The following UVSSA variants were observed in gnomAD, a reference collection of about 807,000 sequenced individuals.
The protein encoded by UVSSA is UV-stimulated scaffold protein A.
Under a neutral mutation model 73.9 loss-of-function variants are expected in UVSSA, and 72 were observed. The ratio of observed to expected loss-of-function variants is 0.97; its 90% CI spans 0.81 to 1.19. The LOEUF (loss-of-function observed/expected upper bound fraction) is 1.19, where lower values mean the gene tolerates loss of function less well. UVSSA is among the 50% of genes most tolerant of loss of function. The pLI, the probability that UVSSA is intolerant of heterozygous loss-of-function variation, is 0.00. For missense variants in UVSSA, 1,150 were observed against 965.0 expected (o/e 1.19, Z -2.54); for synonymous variants, 454 against 391.3 (o/e 1.16, Z -1.89).
upstream of UVSSA, among the ~76,000 whole-genome samples, chr4:1,343,213 C>T (rs368502405): frequency 2.0e-4 from 31 of 152,270 alleles, no homozygotes; most frequent in East Asian, 9.7e-4. Flanking sequence ...CCTCTCTTCC[C>T]GGCTTGCAGA....
At chr4:1,363,327 G>A (rs1034239371) in intron 7 of UVSSA, among the ~76,000 whole-genome samples, 1 of 152,116 alleles carries the variant, frequency 6.6e-6, no homozygotes, top group Admixed American at 6.5e-5. Context: ...TCCAAATTTA[G>A]TCACAGAAAT....
At chr4:1,379,753 G>T (rs1384630792) in intron 10 of UVSSA, among the ~76,000 whole-genome samples, 1 of 149,768 alleles carries the variant, frequency 6.7e-6, no homozygotes, top group Admixed American at 6.7e-5. Flanking sequence ...CGCGCGGCTG[G>T]TTCACGTGGC....
chr4:1,365,750 C>G (rs969078890), intron 7 of UVSSA, among the ~76,000 whole-genome samples: 1 of 152,228 alleles, frequency 6.6e-6, no homozygotes, highest in African/African-American at 2.4e-5. Context: ...CTAGCCCTGG[C>G]CCGTTGCCTA....
chr4:1,366,221 G>T, intron 7 of UVSSA, 99 bp from the exon 8 acceptor site: 1 of 935,762 alleles, frequency 1.1e-6, no homozygotes, highest in Non-Finnish European at 1.6e-6. Flanking sequence ...AGGGGAAAAA[G>T]CTCCACAAGA....
intron 12 of UVSSA, among the ~76,000 whole-genome samples, chr4:1,383,350 G>A (rs1481809090): frequency 5.9e-5 from 9 of 152,172 alleles, no homozygotes; most frequent in African/African-American, 1.9e-4. Context: ...GCCTAGTGGG[G>A]CACGGTCCAG....
rs781294465 is a variant in UVSSA at position 1,375,437 on chromosome 4, G to A, written c.1362G>A (p.Val454=). Residue 454 remains valine (V), a synonymous_variant, in exon 9 of 14, where the codon GTG becomes GTA. Transcript: ENST00000389851. ...LRTRTRMDEE[V]SDPTSAAAQL... ...CGAGGACGAGGATGGACGAGGAGGT[G>A]TCGGACCCCACCTCTGCGGCTGCTC... 1.9e-6 allele frequency: 3 copies of A among 1,613,302 alleles called. No individual in the cohort carries two copies. The East Asian group carries it at 6.7e-5, about 36-fold the overall frequency.
intron 8 of UVSSA, among the ~76,000 whole-genome samples, chr4:1,373,610 C>CTT (rs1471015183): frequency 6.6e-6 from 1 of 152,166 alleles, no homozygotes; most frequent in Non-Finnish European, 1.5e-5. Context: ...CATGGTTTTT[C>CTT]CTCTGTCTCC....
chr4:1,394,195 G>T, exon 14 of UVSSA: 1 of 502,312 alleles, frequency 2.0e-6, no homozygotes. Context: ...TGTGGGCACA[G>T]CCTTCCATGC....
intron 7 of UVSSA, among the ~76,000 whole-genome samples, chr4:1,358,266 C>T (rs1577313671): frequency 6.6e-6 from 1 of 152,248 alleles, no homozygotes; most frequent in Non-Finnish European, 1.5e-5. Flanking sequence ...TGGAGGGCCC[C>T]TCGTCCCCTT....
At chr4:1,394,445 CA>C in exon 14 of UVSSA, 1 of 1,604,900 alleles carries the variant, frequency 6.2e-7, no homozygotes, top group Non-Finnish European at 8.5e-7. Context: ...GTTTTTGATA[CA>C]AAATGTGAGC....
At chr4:1,362,895 G>A (rs1041421606) in intron 7 of UVSSA, among the ~76,000 whole-genome samples, 1 of 152,218 alleles carries the variant, frequency 6.6e-6, no homozygotes, top group African/African-American at 2.4e-5. Context: ...CAGCCACACA[G>A]CTTCCTAGGC....
At chr4:1,375,654 A>C (rs1182067673) in intron 9 of UVSSA, 146 bp downstream of exon 9, 1 of 1,325,174 alleles carries the variant, frequency 7.5e-7, no homozygotes, top group Non-Finnish European at 1.0e-6. Flanking sequence ...CGGCCGGGTG[A>C]GCAGTGTTGG....
chr4:1,367,998 G>T (rs1289330851), intron 8 of UVSSA, among the ~76,000 whole-genome samples: 1 of 152,276 alleles, frequency 6.6e-6, no homozygotes, highest in African/African-American at 2.4e-5. Flanking sequence ...TCTCCTTCAT[G>T]GCTCTTGGCC....
intron 5 of UVSSA, among the ~76,000 whole-genome samples, chr4:1,353,802 C>G (rs1715194606): frequency 2.0e-5 from 3 of 152,322 alleles, no homozygotes; most frequent in African/African-American, 7.2e-5. Flanking sequence ...CGTCAGCTCA[C>G]AGGCCTGTCA....
intron 7 of UVSSA, among the ~76,000 whole-genome samples, chr4:1,360,287 T>G (rs1469337737): frequency 1.3e-5 from 2 of 152,198 alleles, no homozygotes; most frequent in Non-Finnish European, 2.9e-5. Context: ...CCCACACCGG[T>G]GGCACAGACC....
In UVSSA at chr4:1,385,972, C is replaced by G. The variant is rs1244546456; in HGVS notation, c.*11C>G. 1 of 1,613,774 alleles carries G rather than the reference C, an allele frequency of 6.2e-7. No individual in the cohort carries two copies. The highest frequency in any genetic ancestry group is 1.7e-5 in the Admixed American group (1 of 60,034). On this transcript the variant is annotated 3_prime_UTR_variant, in exon 14 of 14. Transcript: ENST00000389851. Reference sequence around the variant, plus strand: ...TACGCACTGAACTAGAGAGCGGGGCCCAGTGCACTGGCCATCAGCACTTTC... The same window carrying G: ...TACGCACTGAACTAGAGAGCGGGGCGCAGTGCACTGGCCATCAGCACTTTC...
intron 7 of UVSSA, chr4:1,365,972 C>T (rs1717266532): frequency 5.7e-6 from 1 of 176,350 alleles, no homozygotes; most frequent in South Asian, 1.4e-4. Context: ...AAGATAACTC[C>T]CCTAAGCCCC....
intron 4 of UVSSA, among the ~76,000 whole-genome samples, chr4:1,352,068 C>G (rs554488313): frequency 6.6e-6 from 1 of 152,266 alleles, no homozygotes; most frequent in Admixed American, 6.5e-5. Flanking sequence ...GTTCGCTGCG[C>G]GGACCTCTGG....
intron 9 of UVSSA, among the ~76,000 whole-genome samples, chr4:1,375,719 G>A (rs911601026): frequency 1.3e-5 from 2 of 152,242 alleles, no homozygotes; most frequent in African/African-American, 2.4e-5. Context: ...GTGGGACTGG[G>A]CCAACAAATA....
Sources: allele counts gnomAD v4.1 joint callset (sites outside exome capture counted in the v4.1 genomes callset), GRCh38; gene constraint gnomAD v4.1.1; transcripts MANE v1.5; gene names NCBI Gene and HGNC (gene_info 2026-07-23, HGNC 2026-07-21).